Variants in CCNYL1 observed in about 807,000 individuals in gnomAD.
CCNYL1 encodes cyclin-Y-like protein 1.
In CCNYL1, 16 loss-of-function variants were observed where a neutral mutation model predicts 44.2. That is an observed-to-expected ratio of 0.36 (90% CI 0.25 to 0.55). CCNYL1 has a LOEUF of 0.55. Among genes scored for constraint, CCNYL1 ranks in the 20% least tolerant of loss-of-function variants. The probability of loss-of-function intolerance (pLI) is 0.85; values close to 1 mark genes in which losing one functional copy is unlikely to be tolerated. For synonymous variants in CCNYL1, 159 were observed against 163.2 expected (o/e 0.97, Z 0.20); for missense variants, 348 against 451.8 (o/e 0.77, Z 2.08).
rs564542820 is a variant in CCNYL1 at position 207,713,743 on chromosome 2, G to T, written c.220+1627G>T. The stretch of plus-strand genomic sequence containing the variant: ...AATAATTAAGCTTCATGATGGACAT[G>T]CCTTTGTAACTAGGAACTACTTTAC... On this transcript the variant is annotated intron_variant, in intron 1 of 9. Coordinates refer to ENST00000295414, the MANE Select transcript of CCNYL1 (RefSeq NM_001330218.2). Among the ~76,000 whole-genome samples the T allele has an allele frequency of 3.9e-5, 6 of 152,308 alleles. No homozygotes were observed. The South Asian group carries it at 1.2e-3, about 32-fold the overall frequency.
chr2:207,730,222 G>A (rs753156534), intron 3 of CCNYL1, among the ~76,000 whole-genome samples: 8 of 152,202 alleles, frequency 5.3e-5, no homozygotes, highest in Non-Finnish European at 1.2e-4. Flanking sequence ...TTCCTTATAA[G>A]ATGGGAGGAC....
intron 5 of CCNYL1, among the ~76,000 whole-genome samples, chr2:207,738,228 T>C (rs887114678): frequency 1.6e-5 from 2 of 125,070 alleles, no homozygotes; most frequent in African/African-American, 5.5e-5. Flanking sequence ...TTATTTTTAT[T>C]TGGTTTTTTT....
At position 207,753,798 on chromosome 2, in the gene CCNYL1, A is replaced by C; in HGVS notation, c.*100A>C. On this transcript the variant is annotated 3_prime_UTR_variant, in exon 10 of 10. Transcript: ENST00000295414. ...AAAAACCAGCAAAATTAGTGTTTTC[A>C]TCAAAAGGAAAGATCTCAAATTCAA... is the stretch of plus-strand genomic sequence containing the variant. 1 of 694,948 alleles carries C rather than the reference A, an allele frequency of 1.4e-6. No individual in the cohort carries two copies. Among genetic ancestry groups the C allele is most frequent in the Non-Finnish European group, 2.5e-6 (1 of 405,612 alleles). 43.0% of individuals were successfully genotyped at this position (694,948 alleles called of 1,614,324 possible).
At chr2:207,716,801 GAT>G (rs1474286251) in intron 1 of CCNYL1, among the ~76,000 whole-genome samples, 1 of 152,082 alleles carries the variant, frequency 6.6e-6, no homozygotes, top group Non-Finnish European at 1.5e-5. Flanking sequence ...TTGTAGTTAA[GAT>G]ATTTTAGTAT....
chr2:207,755,222 A>T lies in CCNYL1; in HGVS notation c.*1524A>T, dbSNP rs1200753612. ...AGTGAGACCCTGCCTGTAAAAAAAA[A>T]TAATAAAAATAGTTGGATATGGTGG... On this transcript the variant is annotated 3_prime_UTR_variant, in exon 10 of 10. Coordinates refer to ENST00000295414, the MANE Select transcript of CCNYL1 (RefSeq NM_001330218.2). 6.6e-6 allele frequency: 1 copy of T among 152,094 alleles called. No individual in the cohort carries two copies. The highest frequency in any genetic ancestry group is 1.5e-5 in the Non-Finnish European group (1 of 68,062). 9.4% of individuals were successfully genotyped at this position (152,094 alleles called of 1,614,324 possible).
chr2:207,725,022 CT>C (rs1426229212), intron 2 of CCNYL1, 148 bp downstream of exon 2: 4 of 620,336 alleles, frequency 6.4e-6, no homozygotes, highest in African/African-American at 3.8e-5. Flanking sequence ...ATGTGATATA[CT>C]TTCCTTTAGT....
rs2091682518 is a variant in CCNYL1, at chr2:207,726,705, A to G, written c.296-137A>G. On this transcript the variant is annotated intron_variant, in intron 2 of 9. Coordinates refer to ENST00000295414, the MANE Select transcript of CCNYL1 (RefSeq NM_001330218.2). ...GGATTCATCTTGCCAGATGATTTAA[A>G]TGATGAATTTTGTTGGAAATTATTT... is the stretch of plus-strand genomic sequence containing the variant. 8.9e-6 allele frequency: 5 copies of G among 560,708 alleles called. No homozygotes were observed. The South Asian group carries it at 1.2e-4, about 13-fold the overall frequency. The allele number at this position is 560,708 out of a possible 1,614,324, so 34.7% of individuals were successfully genotyped here. A position where few individuals can be genotyped will look rare whatever the true frequency, so the allele number is the denominator to read the frequency against.
chr2:207,712,547 G>A (rs1015399990), intron 1 of CCNYL1, among the ~76,000 whole-genome samples: 1 of 152,146 alleles, frequency 6.6e-6, no homozygotes, highest in Non-Finnish European at 1.5e-5. Flanking sequence ...GAAGGAACCA[G>A]GTAAGGGTCT....
rs773296246 is a variant in CCNYL1 at position 207,751,091 on chromosome 2, T to C, written c.941T>C (p.Leu314Pro). Residue 314 changes from leucine (L) to proline (P), a missense_variant, in exon 9 of 10, where the codon CTT (leucine) becomes CCT (proline). Leu to Pro is a moderately conservative substitution (Grantham distance 98, BLOSUM62 -3). Transcript: ENST00000295414. Reference sequence around the variant, plus strand: ...AACCTGAATTTTCTATTTGCTCCTCTTAGCAAAGAAAGAGCACAGAACCTA... The same window carrying C: ...AACCTGAATTTTCTATTTGCTCCTCCTAGCAAAGAAAGAGCACAGAACCTA... Reference protein sequence around the residue: ...DNNLNFLFAPLSKERAQNLEA... With the variant: ...DNNLNFLFAPPSKERAQNLEA... 1 of 1,614,130 alleles carries C rather than the reference T, an allele frequency of 6.2e-7. No homozygotes were observed. Among genetic ancestry groups the C allele is most frequent in the Non-Finnish European group, 8.5e-7 (1 of 1,179,992 alleles).
chr2:207,741,635 A>G (rs2091810758), intron 6 of CCNYL1, among the ~76,000 whole-genome samples: 1 of 152,076 alleles, frequency 6.6e-6, no homozygotes, highest in Non-Finnish European at 1.5e-5. Flanking sequence ...TCATGAGGTC[A>G]GGAGTTTGAG....
Position 207,752,534 on chromosome 2 carries a change from C to CAA in CCNYL1, c.970-1042_970-1041dup, listed in dbSNP as rs61700477. On this transcript the variant is annotated intron_variant, in intron 9 of 9. Transcript: ENST00000295414. ...GGGCGATAGAGCAAGACCCTTGTCT[C>CAA]AAAAAAAAAAAAATAATAATGTAGG... Among the ~76,000 whole-genome samples, 150 of 133,664 alleles carry CAA rather than the reference C, an allele frequency of 1.1e-3. 2 individuals carry two copies. The South Asian group carries it at 0.014, about 12-fold the overall frequency. The allele number at this position is 133,664 out of a possible 152,430, so 87.7% of individuals were successfully genotyped here. A position where few individuals can be genotyped will look rare whatever the true frequency, so the allele number is the denominator to read the frequency against.
intron 2 of CCNYL1, 58 bp downstream of exon 2, chr2:207,724,932 T>C: frequency 7.5e-7 from 1 of 1,325,690 alleles, no homozygotes; most frequent in East Asian, 2.4e-5. Context: ...TTCTATTTTA[T>C]TGGATGTATT....
At chr2:207,744,125 T>C (rs574544686) in intron 7 of CCNYL1, among the ~76,000 whole-genome samples, 1 of 152,150 alleles carries the variant, frequency 6.6e-6, no homozygotes, top group East Asian at 1.9e-4. Flanking sequence ...AGGAAGAACC[T>C]CTCTAGAGGT....
Position 207,747,172 on chromosome 2 carries a change from G to A in CCNYL1, c.765G>A (p.Val255=), listed in dbSNP as rs1171314387. ...GGGACGATCAGGCTGTATGGAATGT[G>A]GACTACTGCCAGATCCTCAAGGACA... ...KVWDDQAVWN[V]DYCQILKDIT... Residue 255 remains valine, a synonymous_variant, in exon 8 of 10, where the codon GTG becomes GTA. Coordinates refer to ENST00000295414, the MANE Select transcript of CCNYL1 (RefSeq NM_001330218.2). 1.9e-6 allele frequency: 3 copies of A among 1,613,972 alleles called. No individual in the cohort carries two copies. In the Admixed American group the frequency reaches 5.0e-5, roughly 27 times the overall value.
Position 207,711,927 on chromosome 2 carries a change from C to A in CCNYL1, c.31C>A (p.Pro11Thr). The A allele has an allele frequency of 7.2e-7, 1 of 1,398,180 alleles. No individual in the cohort carries two copies. Among genetic ancestry groups the A allele is most frequent in the Non-Finnish European group, 9.3e-7 (1 of 1,073,452 alleles). The allele number at this position is 1,398,180 out of a possible 1,614,324, so 86.6% of individuals were successfully genotyped here. A position where few individuals can be genotyped will look rare whatever the true frequency, so the allele number is the denominator to read the frequency against. Reference protein sequence around the residue: MGNTLTCCVSPNASPKLGRRA... With the variant: MGNTLTCCVSTNASPKLGRRA... The stretch of plus-strand genomic sequence containing the variant: ...GAACACGCTGACCTGTTGCGTGTCC[C>A]CCAATGCCAGCCCCAAGCTGGGCCG... The change falls in exon 1 of 10, where the codon CCC (proline) becomes ACC (threonine). Residue 11 changes from proline to threonine, a missense_variant. Coordinates refer to ENST00000295414, the MANE Select transcript of CCNYL1 (RefSeq NM_001330218.2).
intron 8 of CCNYL1, 71 bp from the exon 9 acceptor site, chr2:207,750,883 AATG>A (rs2091886148): frequency 2.3e-6 from 3 of 1,312,928 alleles, no homozygotes; most frequent in Non-Finnish European, 3.2e-6. Context: ...AGTCTCTTAG[AATG>A]ATATTTTTGA....
At chr2:207,722,681 C>T (rs1194360912) in intron 1 of CCNYL1, among the ~76,000 whole-genome samples, 1 of 152,012 alleles carries the variant, frequency 6.6e-6, no homozygotes, top group Non-Finnish European at 1.5e-5. Context: ...TAGGTAGAGG[C>T]TGGGTGTGGT....
intron 8 of CCNYL1, 36 bp downstream of exon 8, chr2:207,747,249 T>G: frequency 6.4e-7 from 1 of 1,564,038 alleles, no homozygotes; most frequent in Non-Finnish European, 8.7e-7. Flanking sequence ...TTTCTAACCA[T>G]TTTCCAGTAT....
At chr2:207,737,287 G>GT (rs369572654) in intron 4 of CCNYL1, 124 bp from the exon 5 acceptor site, 482 of 739,684 alleles carry the variant, frequency 6.5e-4, no homozygotes, top group African/African-American at 6.4e-3. Context: ...ATATGGTACT[G>GT]TTCTGAACTA....
Sources: gnomAD v4.1 joint callset for allele counts (sites outside exome capture counted in the v4.1 genomes callset) on GRCh38, gnomAD v4.1.1 for gene constraint, MANE v1.5 for transcripts, NCBI Gene and HGNC (gene_info 2026-07-23, HGNC 2026-07-21) for gene names.